The following KCNIP4 variants were observed in gnomAD, a reference collection of about 807,000 sequenced individuals.
The protein encoded by KCNIP4 is Kv channel-interacting protein 4.
In KCNIP4, 12 loss-of-function variants were observed where a neutral mutation model predicts 34.0. That is an observed-to-expected ratio of 0.35 (90% confidence interval 0.23 to 0.57). KCNIP4 has a LOEUF of 0.57. Ranked by LOEUF, KCNIP4 falls within the 20% of genes least tolerant of loss-of-function variation. KCNIP4 has a pLI of 0.83. For missense variants in KCNIP4, 238 were observed against 311.7 expected (o/e 0.76, Z 1.78); for synonymous variants, 124 against 102.2 (o/e 1.21, Z -1.29).
Position 21,410,495 on chromosome 4 carries a change from A to T in KCNIP4, c.62-527786T>A, listed in dbSNP as rs184207737. 2.7e-3 allele frequency among the ~76,000 whole-genome samples: 410 copies of T among 152,280 alleles called. 2 individuals carry two copies. The highest frequency in any genetic ancestry group is 5.0e-3 in the Admixed American group (77 of 15,280). On this transcript the variant is annotated intron_variant, in intron 1 of 8. Coordinates refer to ENST00000382152, the MANE Select transcript of KCNIP4 (RefSeq NM_025221.6). ...TTCATGTTGTGAAGACATTCAAGCA[A>T]CACTATGGAAAAACCCACATAGTAG... is the stretch of plus-strand genomic sequence containing the variant.
chr4:21,344,353 T>C (rs1717074324), intron 1 of KCNIP4, among the ~76,000 whole-genome samples: 1 of 152,066 alleles, frequency 6.6e-6, no homozygotes, highest in South Asian at 2.1e-4. Context: ...CTTCAGAGGA[T>C]GAGGAGTGAA....
At chr4:21,421,754 C>T (rs1725469359) in intron 1 of KCNIP4, among the ~76,000 whole-genome samples, 1 of 152,036 alleles carries the variant, frequency 6.6e-6, no homozygotes, top group Admixed American at 6.6e-5. Flanking sequence ...AATGTTCTAA[C>T]CACAAATACA....
intron 3 of KCNIP4, among the ~76,000 whole-genome samples, chr4:20,838,940 T>C (rs1358438934): frequency 6.6e-6 from 1 of 152,216 alleles, no homozygotes; most frequent in Non-Finnish European, 1.5e-5. Context: ...ATTTTAATGT[T>C]ATGTCTTTAA....
chr4:20,910,230 T>TA (rs1728199443), intron 1 of KCNIP4, among the ~76,000 whole-genome samples: 1 of 148,918 alleles, frequency 6.7e-6, no homozygotes, highest in Non-Finnish European at 1.5e-5. Flanking sequence ...AAAAGACTTA[T>TA]TTTTTTTTTA....
chr4:21,697,474 A>T (rs868505205), intron 1 of KCNIP4: 3 of 1,530,256 alleles, frequency 2.0e-6, no homozygotes, highest in South Asian at 2.7e-5. Context: ...GAGAGCCAGA[A>T]GTCTTTGCCA....
chr4:21,548,315 GA>G (rs1241230859), intron 1 of KCNIP4, among the ~76,000 whole-genome samples: 2 of 151,930 alleles, frequency 1.3e-5, no homozygotes, highest in African/African-American at 4.8e-5. Context: ...TAAATAAAAA[GA>G]AAAATCCTTG....
At chr4:20,813,937 A>G (rs1389698433) in intron 3 of KCNIP4, among the ~76,000 whole-genome samples, 1 of 152,222 alleles carries the variant, frequency 6.6e-6, no homozygotes, top group East Asian at 1.9e-4. Flanking sequence ...CTGCAGTTGT[A>G]GTTGTTCATC....
rs117449428 is a variant in KCNIP4 at position 21,468,518 on chromosome 4, C to A, written c.61+480053G>T. ...CAAGTTCGCTTGAATGGTAAACGAG[C>A]GATGATTTGTAATAAACGGTTTAGG... is the stretch of plus-strand genomic sequence containing the variant. On this transcript the variant is annotated intron_variant, in intron 1 of 8. Transcript: ENST00000382152. Among the ~76,000 whole-genome samples, 536 of 152,204 alleles carry A rather than the reference C, an allele frequency of 3.5e-3. 8 individuals are homozygous for A. The highest frequency in any genetic ancestry group is 0.03 in the East Asian group (157 of 5,174).
At chr4:20,804,345 AAGT>A (rs1395984364) in intron 3 of KCNIP4, among the ~76,000 whole-genome samples, 1 of 152,204 alleles carries the variant, frequency 6.6e-6, no homozygotes, top group African/African-American at 2.4e-5. Context: ...CAGTAAAAAT[AAGT>A]AAAAATATTA....
At chr4:21,578,179 C>A (rs1036890380) in intron 1 of KCNIP4, among the ~76,000 whole-genome samples, 1 of 151,532 alleles carries the variant, frequency 6.6e-6, no homozygotes, top group Non-Finnish European at 1.5e-5. Flanking sequence ...ACTAAAGATA[C>A]AAAAATTAGC....
At chr4:21,666,038 C>A (rs1367919274) in intron 1 of KCNIP4, among the ~76,000 whole-genome samples, 6 of 152,178 alleles carry the variant, frequency 3.9e-5, no homozygotes, top group Non-Finnish European at 7.3e-5. Flanking sequence ...TTTTCCTTGG[C>A]TGACATTTTC....
intron 3 of KCNIP4, among the ~76,000 whole-genome samples, chr4:20,799,648 C>T (rs1713972602): frequency 1.3e-5 from 2 of 152,190 alleles, no homozygotes. Context: ...CCTTGCCATT[C>T]CTGAGTACTT....
chr4:20,958,965 A>G (rs1017996090), intron 1 of KCNIP4, among the ~76,000 whole-genome samples: 2 of 152,212 alleles, frequency 1.3e-5, no homozygotes, highest in Non-Finnish European at 2.9e-5. Context: ...GTGAGATGTC[A>G]AGCAAAATTG....
intron 2 of KCNIP4, among the ~76,000 whole-genome samples, chr4:20,852,670 A>T (rs576252005): frequency 3.9e-5 from 6 of 152,298 alleles, no homozygotes; most frequent in African/African-American, 7.2e-5. Context: ...CAAATTGGTA[A>T]AGAGGAAGTC....
chr4:21,796,001 G>A (rs779370520), intron 1 of KCNIP4, among the ~76,000 whole-genome samples: 1 of 152,146 alleles, frequency 6.6e-6, no homozygotes, highest in Non-Finnish European at 1.5e-5. Context: ...CCCAGGAGGC[G>A]GAGGTAGCAG....
intron 1 of KCNIP4, among the ~76,000 whole-genome samples, chr4:21,765,691 C>T (rs1718360500): frequency 6.6e-6 from 1 of 151,432 alleles, no homozygotes; most frequent in Admixed American, 6.6e-5. Context: ...GTCTTGACCT[C>T]CTGACCTCAT....
In KCNIP4 at chr4:20,732,008, T is replaced by C; in HGVS notation, c.703A>G (p.Lys235Glu). 1 of 1,613,488 alleles carries C rather than the reference T, an allele frequency of 6.2e-7. No homozygotes were observed. Among genetic ancestry groups the C allele is most frequent in the Non-Finnish European group, 8.5e-7 (1 of 1,179,758 alleles). The change falls in exon 8 of 9, where the codon AAA becomes GAA. Residue 235 changes from lysine to glutamate, a missense_variant and splice_region_variant. By Grantham distance (56) the Lys-to-Glu change is moderately conservative (BLOSUM62 1). Coordinates refer to ENST00000382152, the MANE Select transcript of KCNIP4 (RefSeq NM_025221.6). ...GTTATTACACTTTCATTACTTACTT[T>C]TTGGCAGCTTTCAATGAACTCATCT... ...TIDEFIESCQ[K>E]DENIMRSMQL...
intron 3 of KCNIP4, among the ~76,000 whole-genome samples, chr4:20,777,704 A>G (rs1756492535): frequency 6.6e-6 from 1 of 152,156 alleles, no homozygotes; most frequent in Non-Finnish European, 1.5e-5. Flanking sequence ...TAGATTACAG[A>G]GAAAAAGTGG....
At chr4:21,706,781 T>C (rs1440470010) in intron 1 of KCNIP4, among the ~76,000 whole-genome samples, 3 of 152,160 alleles carry the variant, frequency 2.0e-5, no homozygotes, top group Non-Finnish European at 4.4e-5. Flanking sequence ...CAGACATTGT[T>C]ATGCCTTTCA....
Sources: gnomAD v4.1 joint callset for allele counts (sites outside exome capture counted in the v4.1 genomes callset) on GRCh38, gnomAD v4.1.1 for gene constraint, MANE v1.5 for transcripts, NCBI Gene and HGNC (gene_info 2026-07-23, HGNC 2026-07-21) for gene names.